The following ADAMTS6 variants were observed in gnomAD, a reference collection of about 807,000 sequenced individuals.
ADAMTS6 encodes ADAM metallopeptidase with thrombospondin type 1 motif 6.
Under a neutral mutation model 144.3 loss-of-function variants are expected in ADAMTS6, and 23 were observed. The ratio of observed to expected loss-of-function variants is 0.16; its 90% CI spans 0.11 to 0.23. ADAMTS6 has a LOEUF of 0.23. Among genes scored for constraint, ADAMTS6 ranks in the 10% least tolerant of loss-of-function variants. The probability of loss-of-function intolerance (pLI) is 1.00; values close to 1 mark genes in which losing one functional copy is unlikely to be tolerated. For synonymous variants in ADAMTS6, 444 were observed against 457.5 expected (o/e 0.97, Z 0.38); for missense variants, 999 against 1,379.6 (o/e 0.72, Z 4.37).
Position 65,149,432 on chromosome 5 carries a change from T to C in ADAMTS6, c.*2404A>G, listed in dbSNP as rs1286473619. ...CATCCTGTTACATTCTGTGCGTGGC[T>C]CCCTCTAGAAAGGCACTCTGATGCT... On this transcript the variant is annotated 3_prime_UTR_variant, in exon 25 of 25. Transcript: ENST00000381055. 6.6e-6 allele frequency: 1 copy of C among 152,214 alleles called. No individual in the cohort carries two copies. Among genetic ancestry groups the C allele is most frequent in the Non-Finnish European group, 1.5e-5 (1 of 68,050 alleles). The allele number at this position is 152,214 out of a possible 1,614,324, so 9.4% of individuals were successfully genotyped here. A position where few individuals can be genotyped will look rare whatever the true frequency, so the allele number is the denominator to read the frequency against.
In ADAMTS6 at chr5:65,156,708, A is replaced by G. The variant is rs75138548; in HGVS notation, c.3245-4763T>C. ...ATACTTTCTTCATGCAAACACACTTATATCTATCTACTTACTGCTTTCTAA... is the reference window on the plus strand; with the variant it reads ...ATACTTTCTTCATGCAAACACACTTGTATCTATCTACTTACTGCTTTCTAA... On this transcript the variant is annotated intron_variant, in intron 24 of 24. Transcript: ENST00000381055. 3.6e-3 allele frequency among the ~76,000 whole-genome samples: 552 copies of G among 152,272 alleles called. 12 individuals are homozygous for G. In the East Asian group the frequency reaches 0.083, roughly 23 times the overall value.
chr5:65,460,046 T>A, intron 4 of ADAMTS6, 124 bp downstream of exon 4: 1 of 1,063,030 alleles, frequency 9.4e-7, no homozygotes. Flanking sequence ...AAAAGGGCTC[T>A]GGACATTATA....
rs746792560 is a variant in ADAMTS6, at chr5:65,188,108, A to T, written c.2818T>A (p.Tyr940Asn). ...GGCCGGTGTGTTAAACAACCACTGT[A>T]GTCCAGCGTCTCCTCCTCAGAAGGT... ...IGPSEEETLD[Y>N]SGCLTHRPVE... is the part of the protein sequence containing the mutation. The change falls in exon 22 of 25, where the codon TAC becomes AAC. Residue 940 changes from tyrosine (Y) to asparagine (N), a missense_variant. Physicochemically the swap from Tyr to Asn is moderately radical, Grantham distance 143. This residue lies in a region of ADAMTS6 where 619 missense variants were observed against 837.0 expected (regional missense o/e 0.74). Transcript: ENST00000381055. 1 of 1,614,056 alleles carries T rather than the reference A, an allele frequency of 6.2e-7. No homozygotes were observed. The highest frequency in any genetic ancestry group is 8.5e-7 in the Non-Finnish European group (1 of 1,180,018).
chr5:65,476,559 G>A (rs1760851808), intron 1 of ADAMTS6, among the ~76,000 whole-genome samples: 1 of 152,052 alleles, frequency 6.6e-6, no homozygotes, highest in Non-Finnish European at 1.5e-5. Context: ...CCAGTTTAAG[G>A]CACTCAAATT....
chr5:65,229,350 C>T (rs1213201023), intron 15 of ADAMTS6, among the ~76,000 whole-genome samples: 1 of 152,104 alleles, frequency 6.6e-6, no homozygotes, highest in Non-Finnish European at 1.5e-5. Context: ...GTAAAGACTG[C>T]GTTCTCCACA....
chr5:65,413,948 A>T (rs6886919), intron 7 of ADAMTS6, among the ~76,000 whole-genome samples: 1 of 152,020 alleles, frequency 6.6e-6, no homozygotes, highest in Non-Finnish European at 1.5e-5. Context: ...ATCCTTTGGC[A>T]TATTGAATAT....
chr5:65,439,191 A>G (rs991671354), intron 7 of ADAMTS6, among the ~76,000 whole-genome samples: 1 of 152,192 alleles, frequency 6.6e-6, no homozygotes, highest in Non-Finnish European at 1.5e-5. Flanking sequence ...AAAAAAAAGT[A>G]GAATGCCAAC....
intron 7 of ADAMTS6, among the ~76,000 whole-genome samples, chr5:65,425,037 C>T (rs558362377): frequency 2.0e-5 from 3 of 152,126 alleles, no homozygotes; most frequent in East Asian, 1.9e-4. Context: ...GCTCTGGTCG[C>T]CCAGGCTGGA....
intron 7 of ADAMTS6, among the ~76,000 whole-genome samples, chr5:65,424,481 C>G (rs1756338016): frequency 6.6e-6 from 1 of 152,144 alleles, no homozygotes; most frequent in African/African-American, 2.4e-5. Context: ...AACAAAGTCT[C>G]TTGATCTTAC....
chr5:65,359,257 C>A (rs1263761955), intron 7 of ADAMTS6, among the ~76,000 whole-genome samples: 1 of 151,922 alleles, frequency 6.6e-6, no homozygotes, highest in Non-Finnish European at 1.5e-5. Flanking sequence ...ATGATATGAA[C>A]GACATTTCTC....
chr5:65,204,948 G>T (rs1270696172), intron 20 of ADAMTS6, among the ~76,000 whole-genome samples: 1 of 152,102 alleles, frequency 6.6e-6, no homozygotes. Context: ...ATTGAATAAA[G>T]TGCTTTTAAC....
chr5:65,195,341 C>T (rs1056072137), intron 21 of ADAMTS6, among the ~76,000 whole-genome samples: 1 of 152,040 alleles, frequency 6.6e-6, no homozygotes, highest in African/African-American at 2.4e-5. Context: ...TGATACTTTC[C>T]CATGTCTGGA....
intron 24 of ADAMTS6, among the ~76,000 whole-genome samples, chr5:65,164,335 C>T (rs562195630): frequency 8.1e-4 from 124 of 152,296 alleles, no homozygotes; most frequent in Non-Finnish European, 1.3e-3. Context: ...GCTTAAAAAA[C>T]GGCGCACCAG....
intron 7 of ADAMTS6, among the ~76,000 whole-genome samples, chr5:65,438,681 C>T (rs2150228682): frequency 6.6e-6 from 1 of 152,282 alleles, no homozygotes; most frequent in South Asian, 2.1e-4. Context: ...TGCTGTTGGC[C>T]ATCTTCTCCC....
chr5:65,307,680 G>T (rs1259073442), intron 9 of ADAMTS6, among the ~76,000 whole-genome samples: 2 of 152,172 alleles, frequency 1.3e-5, no homozygotes, highest in Non-Finnish European at 2.9e-5. Context: ...AGGGATGGAG[G>T]TCATTAGCTT....
At chr5:65,466,670 G>T (rs77188899) in intron 3 of ADAMTS6, among the ~76,000 whole-genome samples, 1,954 of 152,224 alleles carry the variant, frequency 0.013, 39 homozygotes, top group African/African-American at 0.045. Context: ...AAGTCTAATG[G>T]GATCATTGAG....
chr5:65,438,230 A>T (rs920048037), intron 7 of ADAMTS6, among the ~76,000 whole-genome samples: 3 of 152,204 alleles, frequency 2.0e-5, no homozygotes, highest in African/African-American at 7.2e-5. Flanking sequence ...AATGCTCAGT[A>T]TAAAAAAAAG....
At chr5:65,262,078 T>G (rs1240037510) in intron 13 of ADAMTS6, among the ~76,000 whole-genome samples, 1 of 152,074 alleles carries the variant, frequency 6.6e-6, no homozygotes, top group Non-Finnish European at 1.5e-5. Flanking sequence ...CAGTTTAGTC[T>G]CAGGGAGGAC....
chr5:65,364,715 C>T (rs931491951), intron 7 of ADAMTS6, among the ~76,000 whole-genome samples: 3 of 151,640 alleles, frequency 2.0e-5, no homozygotes, highest in African/African-American at 4.9e-5. Flanking sequence ...TACAGGCGCC[C>T]GTCACTGCGC....
Sources: allele counts gnomAD v4.1 joint callset (sites outside exome capture counted in the v4.1 genomes callset), GRCh38; gene constraint gnomAD v4.1.1; regional missense constraint gnomAD v4.1.1; transcripts MANE v1.5; gene names NCBI Gene and HGNC (gene_info 2026-07-23, HGNC 2026-07-21).